DSCAM: variants seen among roughly 807,000 people sequenced by gnomAD.
DSCAM encodes DS cell adhesion molecule, also known as cell adhesion molecule DSCAM.
Under a neutral mutation model 217.7 loss-of-function variants are expected in DSCAM, and 47 were observed. The ratio of observed to expected loss-of-function variants is 0.22; its 90% CI spans 0.17 to 0.28. The LOEUF is 0.28. Among genes scored for constraint, DSCAM ranks in the 10% least tolerant of loss-of-function variants. DSCAM has a pLI of 1.00. For synonymous variants in DSCAM, 1,056 were observed against 1,015.3 expected (o/e 1.04, Z -0.76); for missense variants, 2,080 against 2,618.3 (o/e 0.79, Z 4.49).
chr21:40,429,829 A>T (rs2145892533), intron 3 of DSCAM, among the ~76,000 whole-genome samples: 1 of 152,258 alleles, frequency 6.6e-6, no homozygotes, highest in Admixed American at 6.5e-5. Flanking sequence ...CACTTTCTGG[A>T]TTTTTTCTAT....
intron 10 of DSCAM, among the ~76,000 whole-genome samples, chr21:40,285,139 C>T (rs1364656129): frequency 6.6e-6 from 1 of 152,122 alleles, no homozygotes; most frequent in African/African-American, 2.4e-5. Flanking sequence ...ATTCAGCACT[C>T]GTCAAGGGGT....
intron 20 of DSCAM, among the ~76,000 whole-genome samples, chr21:40,117,469 C>A (rs146832418): frequency 1.1e-4 from 17 of 152,228 alleles, no homozygotes; most frequent in African/African-American, 3.6e-4. Flanking sequence ...TGCTAACCTG[C>A]GTGACCCTGG....
At chr21:40,552,459 A>T (rs1236078083) in intron 3 of DSCAM, among the ~76,000 whole-genome samples, 1 of 152,214 alleles carries the variant, frequency 6.6e-6, no homozygotes, top group Non-Finnish European at 1.5e-5. Context: ...CGTAGTCTAG[A>T]AATAGGGGTT....
intron 3 of DSCAM, among the ~76,000 whole-genome samples, chr21:40,673,642 T>G (rs1356246875): frequency 1.3e-5 from 2 of 152,174 alleles, no homozygotes; most frequent in Non-Finnish European, 2.9e-5. Flanking sequence ...GGGAGGTGAT[T>G]AGATCATGGG....
At chr21:40,415,497 C>T (rs1442821433) in intron 3 of DSCAM, among the ~76,000 whole-genome samples, 1 of 152,230 alleles carries the variant, frequency 6.6e-6, no homozygotes, top group Non-Finnish European at 1.5e-5. Flanking sequence ...GTGCAAGATG[C>T]TGAGGAGTGA....
At chr21:40,584,818 T>C (rs9982052) in intron 3 of DSCAM, among the ~76,000 whole-genome samples, 67,921 of 152,004 alleles carry the variant, frequency 0.45, 16,078 homozygotes, top group Admixed American at 0.55. Context: ...CTGATACAGT[T>C]TGGATGTCTG....
At chr21:40,336,547 C>T (rs540939407) in intron 8 of DSCAM, among the ~76,000 whole-genome samples, 43 of 152,278 alleles carry the variant, frequency 2.8e-4, no homozygotes, top group Admixed American at 5.2e-4. Context: ...AAATGATCAA[C>T]TTTTTATGTT....
chr21:40,752,490 T>C (rs2091238890), intron 1 of DSCAM, among the ~76,000 whole-genome samples: 1 of 152,160 alleles, frequency 6.6e-6, no homozygotes, highest in Non-Finnish European at 1.5e-5. Flanking sequence ...CAACAAGATT[T>C]GAGGCAATAT....
intron 8 of DSCAM, among the ~76,000 whole-genome samples, chr21:40,327,413 T>C (rs1309778728): frequency 6.6e-6 from 1 of 152,234 alleles, no homozygotes; most frequent in Non-Finnish European, 1.5e-5. Context: ...GCAACTTTAC[T>C]GAATTGGTTT....
chr21:40,300,142 A>T (rs553461224), intron 9 of DSCAM, among the ~76,000 whole-genome samples: 118 of 152,014 alleles, frequency 7.8e-4, no homozygotes, highest in Non-Finnish European at 1.0e-3. Flanking sequence ...CTCCTGAGCT[A>T]TTTCACCCAC....
intron 3 of DSCAM, among the ~76,000 whole-genome samples, chr21:40,399,294 AACAAAAC>A (rs1750449061): frequency 6.6e-6 from 1 of 150,654 alleles, no homozygotes; most frequent in African/African-American, 2.4e-5. Context: ...AACAAAACAA[AACAAAAC>A]AAAACAAAAC....
chr21:40,093,491 C>T (rs2089637039), intron 21 of DSCAM, among the ~76,000 whole-genome samples: 2 of 152,186 alleles, frequency 1.3e-5, no homozygotes, highest in Admixed American at 1.3e-4. Context: ...TTCATAGACA[C>T]TTCCATTGTA....
At chr21:40,518,680 A>G (rs939402028) in intron 3 of DSCAM, among the ~76,000 whole-genome samples, 1 of 135,950 alleles carries the variant, frequency 7.4e-6, no homozygotes, top group African/African-American at 3.0e-5. Context: ...ATGTGTGTGT[A>G]TGTATATATA....
intron 9 of DSCAM, among the ~76,000 whole-genome samples, chr21:40,310,695 A>T (rs2074128123): frequency 6.6e-6 from 1 of 152,214 alleles, no homozygotes; most frequent in Admixed American, 6.5e-5. Context: ...AGAGCAGATT[A>T]TATAGAAAGC....
intron 20 of DSCAM, among the ~76,000 whole-genome samples, chr21:40,118,565 G>A (rs1474916123): frequency 2.0e-5 from 3 of 152,142 alleles, no homozygotes; most frequent in East Asian, 1.9e-4. Context: ...ATAGCCTGGC[G>A]ACAGAGTGAA....
chr21:40,156,171 A>T (rs910474851), intron 16 of DSCAM, among the ~76,000 whole-genome samples: 2 of 151,956 alleles, frequency 1.3e-5, no homozygotes, highest in African/African-American at 4.8e-5. Context: ...CCTGGAATCC[A>T]CAGGGATGAG....
At chr21:40,501,586 C>T (rs1173141353) in intron 3 of DSCAM, among the ~76,000 whole-genome samples, 4 of 152,070 alleles carry the variant, frequency 2.6e-5, no homozygotes, top group Non-Finnish European at 5.9e-5. Context: ...CATTAAGCTT[C>T]GTATTCTTTT....
intron 1 of DSCAM, among the ~76,000 whole-genome samples, chr21:40,747,067 T>A (rs2091182133): frequency 6.6e-6 from 1 of 151,518 alleles, no homozygotes; most frequent in Admixed American, 6.6e-5. Context: ...GTAAAAGCAG[T>A]TCTAAGAGGG....
chr21:40,428,232 CTTTGTG>C lies in DSCAM; in HGVS notation c.509-58993_509-58988del, dbSNP rs1161455378. ...AACTGTGTGACCATGAGGGCAAATA[CTTTGTG>C]TGTGTGTGTGTGTGTGTGTGTGTGT... On this transcript the variant is annotated intron_variant, in intron 3 of 32. Coordinates refer to ENST00000400454, the MANE Select transcript of DSCAM (RefSeq NM_001389.5). Among the ~76,000 whole-genome samples, 73 of 129,532 alleles carry C rather than the reference CTTTGTG, an allele frequency of 5.6e-4. 2 individuals are homozygous for C. Among genetic ancestry groups the C allele is most frequent in the African/African-American group, 2.0e-3 (68 of 34,044 alleles). The allele number at this position is 129,532 out of a possible 152,430, so 85.0% of individuals were successfully genotyped here.
Sources: allele counts gnomAD v4.1 joint callset (sites outside exome capture counted in the v4.1 genomes callset), GRCh38; gene constraint gnomAD v4.1.1; transcripts MANE v1.5; gene names NCBI Gene and HGNC (gene_info 2026-07-23, HGNC 2026-07-21).